Variants in SNX29 observed in about 807,000 individuals in gnomAD.
The protein encoded by SNX29 is sorting nexin 29.
SNX29 carries 78 observed loss-of-function variants against 102.1 expected under a neutral mutation model. That is an observed-to-expected ratio of 0.76 (90% confidence interval 0.64 to 0.92). The LOEUF is 0.92. Ranked by LOEUF, SNX29 falls within the 40% of genes least tolerant of loss-of-function variation. The probability of loss-of-function intolerance (pLI) is 0.00; values close to 1 mark genes in which losing one functional copy is unlikely to be tolerated. For missense variants in SNX29, 1,280 were observed against 1,061.7 expected (o/e 1.21, Z -2.86); for synonymous variants, 580 against 414.5 (o/e 1.40, Z -4.85).
chr16:12,551,783 G>A lies in SNX29; in HGVS notation c.2319-16723G>A, dbSNP rs144273905. ...GTACACATACCAGGGGCCCGCTTCA[G>A]AAGCACATGGGCATCAAACTTCTGT... On this transcript the variant is annotated intron_variant, in intron 20 of 20. Transcript: ENST00000566228. Among the ~76,000 whole-genome samples the A allele has an allele frequency of 6.8e-4, 104 of 152,316 alleles. 1 individual carries two copies. The highest frequency in any genetic ancestry group is 2.5e-3 in the African/African-American group (102 of 41,552).
intron 15 of SNX29, among the ~76,000 whole-genome samples, chr16:12,293,233 C>T (rs754981400): frequency 3.9e-5 from 6 of 152,308 alleles, no homozygotes; most frequent in African/African-American, 7.2e-5. Context: ...TGAGTCACCA[C>T]GCCTGACCCC....
intron 19 of SNX29, among the ~76,000 whole-genome samples, chr16:12,498,889 C>T (rs2088963647): frequency 6.6e-6 from 1 of 152,122 alleles, no homozygotes; most frequent in Non-Finnish European, 1.5e-5. Flanking sequence ...GTAGGTTTTT[C>T]AGAAGCTAGC....
At chr16:12,341,270 G>C (rs1180485993) in intron 15 of SNX29, among the ~76,000 whole-genome samples, 4 of 152,228 alleles carry the variant, frequency 2.6e-5, no homozygotes, top group African/African-American at 7.2e-5. Context: ...CTTGTGATTT[G>C]TATGACCTTG....
intron 18 of SNX29, among the ~76,000 whole-genome samples, chr16:12,466,633 C>T (rs1203980750): frequency 6.6e-6 from 1 of 152,202 alleles, no homozygotes; most frequent in East Asian, 1.9e-4. Context: ...AGCTTCCTAC[C>T]TCACCATGAT....
intron 20 of SNX29, among the ~76,000 whole-genome samples, chr16:12,552,871 G>A (rs2078072716): frequency 6.6e-6 from 1 of 152,216 alleles, no homozygotes; most frequent in Non-Finnish European, 1.5e-5. Context: ...GGCAGGGCCT[G>A]GGGAGACATG....
At chr16:12,465,838 G>GT (rs57431968) in intron 18 of SNX29, among the ~76,000 whole-genome samples, 434 of 141,874 alleles carry the variant, frequency 3.1e-3, no homozygotes, top group African/African-American at 5.4e-3. Context: ...ATTTGTTTGT[G>GT]TTTTTTTTTT....
intron 1 of SNX29, among the ~76,000 whole-genome samples, chr16:11,993,009 A>G (rs1254799350): frequency 6.6e-6 from 1 of 151,698 alleles, no homozygotes; most frequent in East Asian, 1.9e-4. Flanking sequence ...TAAAAATACA[A>G]AAAAAATTAG....
rs148363354 is a variant in SNX29, at chr16:12,030,932, C to T, written c.247+3488C>T. On this transcript the variant is annotated intron_variant, in intron 4 of 20. Transcript: ENST00000566228. Reference sequence around the variant, plus strand: ...AGTCCCACAAGCTCCCCTCCTGCCACGCCCCTGCCTTGGGACTCTTGAGAC... The same window carrying T: ...AGTCCCACAAGCTCCCCTCCTGCCATGCCCCTGCCTTGGGACTCTTGAGAC... Among the ~76,000 whole-genome samples, 962 of 152,300 alleles carry T rather than the reference C, an allele frequency of 6.3e-3. 5 individuals carry two copies. The highest frequency in any genetic ancestry group is 0.011 in the Non-Finnish European group (726 of 68,022).
intron 3 of SNX29, among the ~76,000 whole-genome samples, chr16:12,026,978 C>T (rs1185135038): frequency 6.6e-6 from 1 of 152,168 alleles, no homozygotes; most frequent in African/African-American, 2.4e-5. Flanking sequence ...TCCAACCGCT[C>T]CCCACACTGA....
chr16:12,532,938 C>T (rs1343219509), intron 20 of SNX29, among the ~76,000 whole-genome samples: 3 of 152,236 alleles, frequency 2.0e-5, no homozygotes, highest in Non-Finnish European at 1.5e-5. Context: ...CCTCTGCTGC[C>T]AAGTTGGCTG....
chr16:12,550,451 C>G (rs771640551), intron 20 of SNX29, among the ~76,000 whole-genome samples: 1 of 150,952 alleles, frequency 6.6e-6, no homozygotes, highest in South Asian at 2.1e-4. Flanking sequence ...AGGAGAATCA[C>G]TTAAACCCGG....
chr16:12,481,537 CACACACACACACA>C (rs2087927923), intron 19 of SNX29, among the ~76,000 whole-genome samples: 2 of 150,926 alleles, frequency 1.3e-5, no homozygotes, highest in African/African-American at 2.4e-5. Context: ...CACACACACA[CACACACACACACA>C]CACACCCCAA....
chr16:12,492,014 G>T (rs890965009), intron 19 of SNX29, among the ~76,000 whole-genome samples: 9 of 152,184 alleles, frequency 5.9e-5, no homozygotes, highest in Non-Finnish European at 1.3e-4. Flanking sequence ...CTTTATAGCA[G>T]CATGATTTAT....
chr16:12,300,562 A>G (rs1260800817), intron 15 of SNX29, among the ~76,000 whole-genome samples: 3 of 152,172 alleles, frequency 2.0e-5, no homozygotes, highest in Admixed American at 1.3e-4. Context: ...TTCCTATGTA[A>G]CTGCTTTTCC....
chr16:12,515,427 C>A (rs1049264139), intron 19 of SNX29: 8 of 453,166 alleles, frequency 1.8e-5, no homozygotes, highest in African/African-American at 1.2e-4. Flanking sequence ...ATGATTGCAC[C>A]CCATCCGCAA....
chr16:12,453,486 G>A (rs1045688994), intron 18 of SNX29, among the ~76,000 whole-genome samples: 5 of 151,946 alleles, frequency 3.3e-5, no homozygotes, highest in Admixed American at 6.5e-5. Flanking sequence ...TTGTGAAAAC[G>A]AAGAGAAGTA....
At chr16:11,989,703 C>T (rs7190848) in intron 1 of SNX29, among the ~76,000 whole-genome samples, 17,283 of 152,124 alleles carry the variant, frequency 0.11, 1,404 homozygotes, top group African/African-American at 0.23. Context: ...GGAGAGAGTT[C>T]GTGAGGCTTC....
intron 14 of SNX29, among the ~76,000 whole-genome samples, chr16:12,259,377 T>G (rs1328443543): frequency 1.3e-5 from 2 of 152,180 alleles, no homozygotes; most frequent in East Asian, 3.8e-4. Flanking sequence ...GTGTAGCCAC[T>G]GGCTAAGAAG....
At chr16:12,421,696 A>G (rs147962024) in intron 18 of SNX29, among the ~76,000 whole-genome samples, 4 of 152,288 alleles carry the variant, frequency 2.6e-5, no homozygotes, top group African/African-American at 4.8e-5. Context: ...CATGATCACC[A>G]TTGTCATCAT....
Sources: allele counts gnomAD v4.1 joint callset (sites outside exome capture counted in the v4.1 genomes callset), GRCh38; gene constraint gnomAD v4.1.1; transcripts MANE v1.5; gene names NCBI Gene and HGNC (gene_info 2026-07-23, HGNC 2026-07-21).